Variants in HINT3 observed in about 807,000 individuals in gnomAD.
The protein encoded by HINT3 is adenosine 5'-monophosphoramidase HINT3.
Under a neutral mutation model 19.1 loss-of-function variants are expected in HINT3, and 16 were observed. The ratio of observed to expected loss-of-function variants is 0.84; its 90% confidence interval spans 0.57 to 1.27. The LOEUF (loss-of-function observed/expected upper bound fraction) is 1.27, where lower values mean the gene tolerates loss of function less well. HINT3 is among the 50% of genes most tolerant of loss of function. HINT3 has a pLI of 0.00. For synonymous variants in HINT3, 75 were observed against 84.8 expected (o/e 0.88, Z 0.63); for missense variants, 197 against 225.8 (o/e 0.87, Z 0.82).
intron 1 of HINT3, among the ~76,000 whole-genome samples, chr6:125,962,060 T>C (rs1404129905): frequency 6.6e-6 from 1 of 150,904 alleles, no homozygotes; most frequent in Non-Finnish European, 1.5e-5. Context: ...CTGAGGCCTG[T>C]CTCTGAGGCC....
chr6:125,966,478 G>A (rs937582440), intron 1 of HINT3, among the ~76,000 whole-genome samples: 4 of 152,160 alleles, frequency 2.6e-5, no homozygotes, highest in Non-Finnish European at 1.5e-5. Context: ...AAAATGCTAC[G>A]TTGGGAAAAA....
intron 1 of HINT3, among the ~76,000 whole-genome samples, chr6:125,961,658 G>A (rs1788928514): frequency 6.6e-6 from 1 of 152,126 alleles, no homozygotes; most frequent in African/African-American, 2.4e-5. Context: ...GGGAAAAGGG[G>A]GCAGAGCTTC....
Position 125,971,702 on chromosome 6 carries a change from C to CTTTTT in HINT3, c.320-535_320-531dup, listed in dbSNP as rs142105115. On this transcript the variant is annotated intron_variant, in intron 2 of 4. Coordinates refer to ENST00000229633, the MANE Select transcript of HINT3 (RefSeq NM_138571.5). The stretch of plus-strand genomic sequence containing the variant: ...GGTGTGCACCACCATGCCTGGCTAC[C>CTTTTT]TTTTTTTTTTTTTTTTTTTTTTTTT... Among the ~76,000 whole-genome samples the CTTTTT allele has an allele frequency of 6.5e-3, 389 of 59,614 alleles. 82 individuals carry two copies. The highest frequency in any genetic ancestry group is 9.0e-3 in the Non-Finnish European group (315 of 35,102). 39.1% of individuals were successfully genotyped at this position (59,614 alleles called of 152,430 possible). A position where few individuals can be genotyped will look rare whatever the true frequency, so the allele number is the denominator to read the frequency against.
At chr6:125,969,579 G>A (rs1217626544) in intron 2 of HINT3, among the ~76,000 whole-genome samples, 1 of 152,150 alleles carries the variant, frequency 6.6e-6, no homozygotes, top group Non-Finnish European at 1.5e-5. Flanking sequence ...ACTTTGGGCA[G>A]TATGGCCTTT....
chr6:125,978,878 T>G lies in HINT3; in HGVS notation c.*1202T>G, dbSNP rs1789211351. ...TTAATTTATTCATTCAGCAAACATT[T>G]GTTGAACATTTAATGTGTACCAGAT... is the stretch of plus-strand genomic sequence containing the variant. On this transcript the variant is annotated 3_prime_UTR_variant, in exon 5 of 5. Coordinates refer to ENST00000229633, the MANE Select transcript of HINT3 (RefSeq NM_138571.5). The G allele has an allele frequency of 1.3e-5, 2 of 152,236 alleles. No homozygotes were observed. The highest frequency in any genetic ancestry group is 6.5e-5 in the Admixed American group (1 of 15,280). The allele number at this position is 152,236 out of a possible 1,614,324, so 9.4% of individuals were successfully genotyped here.
chr6:125,964,127 T>C (rs976447491), intron 1 of HINT3, among the ~76,000 whole-genome samples: 14 of 152,224 alleles, frequency 9.2e-5, no homozygotes, highest in Non-Finnish European at 2.1e-4. Flanking sequence ...ATGAAAATGC[T>C]CTTTAGTGGA....
At chr6:125,967,627 T>C (rs970493390) in intron 2 of HINT3, among the ~76,000 whole-genome samples, 1 of 152,154 alleles carries the variant, frequency 6.6e-6, no homozygotes, top group Non-Finnish European at 1.5e-5. Context: ...CCACCGTGCC[T>C]GGCCTATTTC....
Position 125,956,921 on chromosome 6 carries a change from G to A in HINT3, c.-57G>A, listed in dbSNP as rs1050668988. The stretch of plus-strand genomic sequence containing the variant: ...GGAGGAGGTGCGGGACGCGGAGACT[G>A]CGCGGGCCCGGTAGCCCTGGAGAGG... On this transcript the variant is annotated 5_prime_UTR_variant, in exon 1 of 5. Coordinates refer to ENST00000229633, the MANE Select transcript of HINT3 (RefSeq NM_138571.5). 2.3e-5 allele frequency: 34 copies of A among 1,506,388 alleles called. No homozygotes were observed. The highest frequency in any genetic ancestry group is 3.0e-5 in the Non-Finnish European group (34 of 1,116,072). The allele number at this position is 1,506,388 out of a possible 1,614,324, so 93.3% of individuals were successfully genotyped here.
At chr6:125,961,237 CTG>C (rs1788921020) in intron 1 of HINT3, among the ~76,000 whole-genome samples, 2 of 152,194 alleles carry the variant, frequency 1.3e-5, no homozygotes, top group African/African-American at 4.8e-5. Context: ...AAAACACAAA[CTG>C]TGCTTTTTTT....
rs185302825 is a variant in HINT3 at position 125,977,852 on chromosome 6, A to C, written c.*176A>C. The C allele has an allele frequency of 2.3e-4, 95 of 420,306 alleles. No individual in the cohort carries two copies. The highest frequency in any genetic ancestry group is 1.8e-3 in the African/African-American group (88 of 48,960). The allele number at this position is 420,306 out of a possible 1,614,324, so 26.0% of individuals were successfully genotyped here. ...CTAAGATCTGTGATACAGTTATGTG[A>C]ATATTTTGTTACTGACTTGTTTCAA... On this transcript the variant is annotated 3_prime_UTR_variant, in exon 5 of 5. Coordinates refer to ENST00000229633, the MANE Select transcript of HINT3 (RefSeq NM_138571.5).
At chr6:125,975,034 G>GTTTTT (rs1164748753) in intron 4 of HINT3, 61 bp downstream of exon 4, 4 of 1,557,230 alleles carry the variant, frequency 2.6e-6, no homozygotes, top group Non-Finnish European at 3.5e-6. Context: ...TTTCATTGTA[G>GTTTTT]TTTTTTCTTC....
intron 1 of HINT3, among the ~76,000 whole-genome samples, chr6:125,960,655 T>TCGGGGG (rs1554209586): frequency 1.3e-5 from 1 of 76,212 alleles, no homozygotes; most frequent in Non-Finnish European, 2.9e-5. Flanking sequence ...AGACTCTCTC[T>TCGGGGG]GGGGGGGGGG....
chr6:125,968,909 G>A (rs1376442048), intron 2 of HINT3, among the ~76,000 whole-genome samples: 3 of 151,992 alleles, frequency 2.0e-5, no homozygotes, highest in African/African-American at 7.3e-5. Context: ...CCGGGATATT[G>A]CACCTTTGTC....
chr6:125,966,827 G>A, intron 1 of HINT3, 60 bp from the exon 2 acceptor site: 1 of 1,099,746 alleles, frequency 9.1e-7, no homozygotes, highest in Non-Finnish European at 1.4e-6. Context: ...TTTAAGTCAT[G>A]CCAGAACAGC....
chr6:125,962,149 C>CATATATATATACACATATATATATAT lies in HINT3; in HGVS notation c.202-4702_202-4677dup, dbSNP rs1562211890. Among the ~76,000 whole-genome samples, 160 of 38,600 alleles carry CATATATATATACACATATATATATAT rather than the reference C, an allele frequency of 4.1e-3. 1 individual carries two copies. Among genetic ancestry groups the CATATATATATACACATATATATATAT allele is most frequent in the Non-Finnish European group, 6.8e-3 (122 of 17,914 alleles). 25.3% of individuals were successfully genotyped at this position (38,600 alleles called of 152,430 possible). On this transcript the variant is annotated intron_variant, in intron 1 of 4. Transcript: ENST00000229633. ...AAGCCAGGAATCGTGGATGGAAACC[C>CATATATATATACACATATATATATAT]ATATATATATACACATATATATATA...
intron 2 of HINT3, among the ~76,000 whole-genome samples, chr6:125,971,549 T>G (rs1789100888): frequency 6.6e-6 from 1 of 152,014 alleles, no homozygotes; most frequent in Non-Finnish European, 1.5e-5. Context: ...ATTTATTTAT[T>G]TTTGAGAGAG....
intron 1 of HINT3, among the ~76,000 whole-genome samples, chr6:125,958,218 G>A (rs2128710186): frequency 6.6e-6 from 1 of 152,232 alleles, no homozygotes; most frequent in South Asian, 2.1e-4. Flanking sequence ...CCCCCCGAGA[G>A]GTTCAGTTTG....
At chr6:125,960,762 A>G (rs1788913446) in intron 1 of HINT3, among the ~76,000 whole-genome samples, 1 of 151,680 alleles carries the variant, frequency 6.6e-6, no homozygotes, top group Non-Finnish European at 1.5e-5. Context: ...CCTGACAGGG[A>G]GAAAGAATAC....
intron 1 of HINT3, among the ~76,000 whole-genome samples, chr6:125,960,076 A>G (rs528094586): frequency 6.6e-6 from 1 of 152,366 alleles, no homozygotes; most frequent in Admixed American, 6.5e-5. Flanking sequence ...GCCTTGAAAA[A>G]GGAGAAGGAG....
Sources: allele counts gnomAD v4.1 joint callset (sites outside exome capture counted in the v4.1 genomes callset), GRCh38; gene constraint gnomAD v4.1.1; transcripts MANE v1.5; gene names NCBI Gene and HGNC (gene_info 2026-07-23, HGNC 2026-07-21).